Variants in OR10H1 observed in about 807,000 individuals in gnomAD.
The protein encoded by OR10H1 is olfactory receptor family 10 subfamily H member 1.
Under a neutral mutation model 13.1 loss-of-function variants are expected in OR10H1, and 12 were observed. That is an observed-to-expected ratio of 0.92 (90% CI 0.59 to 1.48). The LOEUF is 1.48. Among genes scored for constraint, OR10H1 ranks in the 40% most tolerant of loss-of-function variants. OR10H1 has a pLI of 0.00. For missense variants in OR10H1, 363 were observed against 413.1 expected (o/e 0.88, Z 1.05); for synonymous variants, 168 against 175.6 (o/e 0.96, Z 0.34).
chr19:15,815,249 A>G (rs145353982), intron 1 of OR10H1, among the ~76,000 whole-genome samples: 1,826 of 151,948 alleles, frequency 0.012, 32 homozygotes, highest in African/African-American at 0.041. Flanking sequence ...GCTGAGGGAG[A>G]AGAATCGCTT....
At chr19:15,809,376 A>C (rs2088920834) in intron 2 of OR10H1, among the ~76,000 whole-genome samples, 1 of 151,962 alleles carries the variant, frequency 6.6e-6, no homozygotes, top group Admixed American at 6.6e-5. Flanking sequence ...CTGCAACCTC[A>C]AACTCCTGGA....
chr19:15,811,649 G>A (rs2088932965), intron 2 of OR10H1, among the ~76,000 whole-genome samples: 1 of 152,062 alleles, frequency 6.6e-6, no homozygotes, highest in Non-Finnish European at 1.5e-5. Flanking sequence ...GCAAACCCCT[G>A]TTTGTTGTTA....
Position 15,808,032 on chromosome 19 carries a change from C to T in OR10H1, c.6G>A (p.Gln2=). The change falls in exon 4 of 4, where the codon CAG becomes CAA. Residue 2 remains glutamine, a synonymous_variant. Coordinates refer to ENST00000641419, the MANE Select transcript of OR10H1 (RefSeq NM_013940.4). The part of the protein sequence containing the change: M[Q]RANHSTVTQF... ...GGGTCACTGTGGAGTGATTGGCTCT[C>T]TGCATGGAGGCTGTGCCTGGGGTGA... 1 of 1,608,846 alleles carries T rather than the reference C, an allele frequency of 6.2e-7. No individual in the cohort carries two copies. The highest frequency in any genetic ancestry group is 1.1e-5 in the South Asian group (1 of 90,848).
intron 3 of OR10H1, 81 bp from the exon 4 acceptor site, chr19:15,808,129 A>C (rs570926934): frequency 1.0e-5 from 12 of 1,165,280 alleles, no homozygotes; most frequent in South Asian, 7.0e-5. Context: ...GATTTGCCCA[A>C]GGGACTGCTC....
rs952806040 is a variant in OR10H1 at position 15,807,009 on chromosome 19, G to A, written c.*72C>T. The A allele has an allele frequency of 7.1e-7, 1 of 1,407,916 alleles. No homozygotes were observed. Among genetic ancestry groups the A allele is most frequent in the Non-Finnish European group, 9.8e-7 (1 of 1,019,284 alleles). 87.2% of individuals were successfully genotyped at this position (1,407,916 alleles called of 1,614,324 possible). On this transcript the variant is annotated 3_prime_UTR_variant, in exon 4 of 4. Transcript: ENST00000641419. Reference sequence around the variant, plus strand: ...CCCAAAGTGCTGGGATTACAGGCATGAGTCACCACGGAACGTAATTTTTAA... The same window carrying A: ...CCCAAAGTGCTGGGATTACAGGCATAAGTCACCACGGAACGTAATTTTTAA...
At chr19:15,813,436 G>A (rs1409578810) in intron 1 of OR10H1, among the ~76,000 whole-genome samples, 1 of 150,232 alleles carries the variant, frequency 6.7e-6, no homozygotes, top group Non-Finnish European at 1.5e-5. Context: ...AAGGTAGGAA[G>A]AGAAAGAGAG....
chr19:15,814,492 A>T (rs1343286293), intron 1 of OR10H1, among the ~76,000 whole-genome samples: 4,928 of 48,736 alleles, frequency 0.1, 79 homozygotes, highest in Middle Eastern at 0.14. Flanking sequence ...AGAGAGAGAG[A>T]GAGAGAGAGA....
rs749148739 is a variant in OR10H1 at position 15,808,062 on chromosome 19, T to G, written c.-11-14A>C. On this transcript the variant is annotated splice_polypyrimidine_tract_variant and intron_variant, in intron 3 of 3. Transcript: ENST00000641419. ...TGGAGGCTGTGCCTGGGGTGAGATG[T>G]GACAGGGAGATGTCAGTTACTGCAT... 8.8e-6 allele frequency: 14 copies of G among 1,585,562 alleles called. No individual in the cohort carries two copies. Among genetic ancestry groups the G allele is most frequent in the Non-Finnish European group, 1.2e-5 (14 of 1,159,260 alleles).
chr19:15,806,806 C>A lies in OR10H1; in HGVS notation c.*275G>T, dbSNP rs2088897289. ...GCAGTGGTGTGATCTCAGCTCACTG[C>A]AACCTCCACCTACCGGGTCAAGCGA... On this transcript the variant is annotated 3_prime_UTR_variant, in exon 4 of 4. Transcript: ENST00000641419. 1 of 393,668 alleles carries A rather than the reference C, an allele frequency of 2.5e-6. No homozygotes were observed. The highest frequency in any genetic ancestry group is 2.1e-5 in the African/African-American group (1 of 48,686). 24.4% of individuals were successfully genotyped at this position (393,668 alleles called of 1,614,324 possible).
Position 15,812,526 on chromosome 19 carries a change from AAGGAAGGAAGGAAGGAGAGTG to A in OR10H1, c.-446_-426del, listed in dbSNP as rs1232538616. 9.1e-6 allele frequency: 1 copy of A among 109,920 alleles called. No individual in the cohort carries two copies. Among genetic ancestry groups the A allele is most frequent in the Admixed American group, 9.1e-5 (1 of 10,954 alleles). 6.8% of individuals were successfully genotyped at this position (109,920 alleles called of 1,614,324 possible). A position where few individuals can be genotyped will look rare whatever the true frequency, so the allele number is the denominator to read the frequency against. On this transcript the variant is annotated 5_prime_UTR_variant, in exon 2 of 4. Coordinates refer to ENST00000641419, the MANE Select transcript of OR10H1 (RefSeq NM_013940.4). ...GGAGGGAAGGAGGAAGGAAGGAACG[AAGGAAGGAAGGAAGGAGAGTG>A]AGGGAGGAAAGGAGGAGAGTGAGGA... is the stretch of plus-strand genomic sequence containing the variant.
At position 15,807,605 on chromosome 19, in the gene OR10H1, C is replaced by G; in HGVS notation, c.433G>C (p.Val145Leu). ...LMSPRGCACL[V>L]GCSWAGGLVM... is the part of the protein sequence containing the mutation. ...AAGCCACCAGCCCAGGAGCAGCCCA[C>G]CAGGCAGGCGCAGCCCCGCGGGCTC... Residue 145 changes from valine to leucine, a missense_variant, in exon 4 of 4, where the codon GTG (valine) becomes CTG (leucine). By Grantham distance (32) the Val-to-Leu change is conservative. Coordinates refer to ENST00000641419, the MANE Select transcript of OR10H1 (RefSeq NM_013940.4). 6.2e-7 allele frequency: 1 copy of G among 1,614,234 alleles called. No individual in the cohort carries two copies. The highest frequency in any genetic ancestry group is 2.2e-5 in the East Asian group (1 of 44,890).
In OR10H1 at chr19:15,808,055, T is replaced by G; in HGVS notation, c.-11-7A>C. On this transcript the variant is annotated splice_polypyrimidine_tract_variant and splice_region_variant and intron_variant, in intron 3 of 3. Coordinates refer to ENST00000641419, the MANE Select transcript of OR10H1 (RefSeq NM_013940.4). ...CTCTGCATGGAGGCTGTGCCTGGGGTGAGATGTGACAGGGAGATGTCAGTT... is the reference window on the plus strand; with the variant it reads ...CTCTGCATGGAGGCTGTGCCTGGGGGGAGATGTGACAGGGAGATGTCAGTT... 1 of 1,594,616 alleles carries G rather than the reference T, an allele frequency of 6.3e-7. No individual in the cohort carries two copies. Among genetic ancestry groups the G allele is most frequent in the Non-Finnish European group, 8.6e-7 (1 of 1,165,670 alleles).
Position 15,807,609 on chromosome 19 carries a change from G to A in OR10H1, c.429C>T (p.Cys143=), listed in dbSNP as rs2088907288. The change falls in exon 4 of 4, where the codon TGC becomes TGT. Residue 143 remains cysteine (C), a synonymous_variant. Coordinates refer to ENST00000641419, the MANE Select transcript of OR10H1 (RefSeq NM_013940.4). ...NVLMSPRGCA[C]LVGCSWAGGL... is the part of the protein sequence containing the mutation. Reference sequence around the variant, plus strand: ...CACCAGCCCAGGAGCAGCCCACCAGGCAGGCGCAGCCCCGCGGGCTCATGA... The same window carrying A: ...CACCAGCCCAGGAGCAGCCCACCAGACAGGCGCAGCCCCGCGGGCTCATGA... The A allele has an allele frequency of 9.9e-6, 16 of 1,614,108 alleles. No individual in the cohort carries two copies. The highest frequency in any genetic ancestry group is 1.3e-5 in the Non-Finnish European group (15 of 1,180,042).
rs61746475 is a variant in OR10H1, at chr19:15,807,465, G to A, written c.573C>T (p.Asp191=). ...VPPLLKLACG[D]DVLVVAKGVG... The stretch of plus-strand genomic sequence containing the variant: ...CGCCTTTGGCCACCACCAGCACATC[G>A]TCTCCACAGGCCAACTTCAACAGAG... Residue 191 remains aspartate (D), a synonymous_variant, in exon 4 of 4, where the codon GAC becomes GAT. Coordinates refer to ENST00000641419, the MANE Select transcript of OR10H1 (RefSeq NM_013940.4). The A allele has an allele frequency of 1.7e-3, 2,712 of 1,614,154 alleles. 14 individuals carry two copies. The African/African-American group carries it at 0.018, about 11-fold the overall frequency.
rs948980329 is a variant in OR10H1, at chr19:15,812,612, G to T, written c.-511C>A. 6.8e-6 allele frequency: 1 copy of T among 146,788 alleles called. No homozygotes were observed. Among genetic ancestry groups the T allele is most frequent in the African/African-American group, 2.5e-5 (1 of 39,376 alleles). 9.1% of individuals were successfully genotyped at this position (146,788 alleles called of 1,614,324 possible). On this transcript the variant is annotated 5_prime_UTR_variant, in exon 2 of 4. An upstream open reading frame in the 5' UTR gains an earlier in-frame stop. Transcript: ENST00000641419. ...GAGGGAGGCAGGAAGGAAGGAGAGT[G>T]AGGGAGGAAAGAAGGAGAGTGAGGA... is the stretch of plus-strand genomic sequence containing the variant.
rs1017332151 is a variant in OR10H1, at chr19:15,806,138, T to C, written c.*943A>G. Reference sequence around the variant, plus strand: ...AATCTTCCCTCTCTCTTTGCATTGCTGGTTTGCATTATTGGGGGTATTAGA... The same window carrying C: ...AATCTTCCCTCTCTCTTTGCATTGCCGGTTTGCATTATTGGGGGTATTAGA... On this transcript the variant is annotated 3_prime_UTR_variant, in exon 4 of 4. Coordinates refer to ENST00000641419, the MANE Select transcript of OR10H1 (RefSeq NM_013940.4). The C allele has an allele frequency of 6.6e-5, 10 of 152,306 alleles. No individual in the cohort carries two copies. Among genetic ancestry groups the C allele is most frequent in the Admixed American group, 3.9e-4 (6 of 15,292 alleles). The allele number at this position is 152,306 out of a possible 1,614,324, so 9.4% of individuals were successfully genotyped here. A position where few individuals can be genotyped will look rare whatever the true frequency, so the allele number is the denominator to read the frequency against.
In OR10H1 at chr19:15,807,769, C is replaced by G; in HGVS notation, c.269G>C (p.Arg90Pro). ...GGCACAGGCCAGGAAGGCGATGGAG[C>G]GCTGGGTGGACAGCAGGTCGGCCAG... ...RMLADLLSTQ[R>P]SIAFLACASQ... Residue 90 changes from arginine (R) to proline (P), a missense_variant, in exon 4 of 4, where the codon CGC becomes CCC. Physicochemically the swap from Arg to Pro is moderately radical, Grantham distance 103 (BLOSUM62 -2). Transcript: ENST00000641419. The G allele has an allele frequency of 1.2e-6, 2 of 1,608,380 alleles. No homozygotes were observed. The highest frequency in any genetic ancestry group is 8.5e-7 in the Non-Finnish European group (1 of 1,175,852).
rs2088903556 is a variant in OR10H1 at position 15,807,306 on chromosome 19, A to C, written c.732T>G (p.Ser244=). ...GRNKAFSTCA[S]HLTVVVVHYG... The stretch of plus-strand genomic sequence containing the variant: ...AGTGCACGACCACCACAGTGAGGTG[A>C]GAGGCACAGGTGGAGAAGGCCTTGT... Residue 244 remains serine (S), a synonymous_variant, in exon 4 of 4, where the codon TCT becomes TCG. Coordinates refer to ENST00000641419, the MANE Select transcript of OR10H1 (RefSeq NM_013940.4). The C allele has an allele frequency of 6.2e-7, 1 of 1,613,884 alleles. No homozygotes were observed. Among genetic ancestry groups the C allele is most frequent in the Admixed American group, 1.7e-5 (1 of 60,000 alleles).
At chr19:15,814,491 G>GT (rs2088955428) in intron 1 of OR10H1, among the ~76,000 whole-genome samples, 9 of 39,142 alleles carry the variant, frequency 2.3e-4, no homozygotes, top group African/African-American at 7.2e-4. Context: ...GAGAGAGAGA[G>GT]AGAGAGAGAG....
Sources: allele counts gnomAD v4.1 joint callset (sites outside exome capture counted in the v4.1 genomes callset), GRCh38; gene constraint gnomAD v4.1.1; transcripts MANE v1.5; gene names NCBI Gene and HGNC (gene_info 2026-07-23, HGNC 2026-07-21).